NDST4: variants seen among roughly 807,000 people sequenced by gnomAD.
The protein encoded by NDST4 is N-heparan sulfate sulfotransferase 4.
NDST4 carries 63 observed loss-of-function variants against 100.8 expected under a neutral mutation model. The ratio of observed to expected loss-of-function variants is 0.62; its 90% CI spans 0.51 to 0.77. The LOEUF is 0.77. Ranked by LOEUF, NDST4 falls within the 30% of genes least tolerant of loss-of-function variation. NDST4 has a pLI of 0.00. For synonymous variants in NDST4, 377 were observed against 361.8 expected, an observed-to-expected ratio of 1.04 and a Z score of -0.48; for missense variants, 943 against 1,018.4, an observed-to-expected ratio of 0.93 and a Z score of 1.01.
chr4:114,899,531 GT>G (rs146671281), intron 6 of NDST4, among the ~76,000 whole-genome samples: 8,556 of 147,146 alleles, frequency 0.058, 296 homozygotes, highest in East Asian at 0.15. Context: ...TTTACTGAAA[GT>G]TTTTTTTTTT....
intron 2 of NDST4, among the ~76,000 whole-genome samples, chr4:114,995,641 C>A (rs1727142802): frequency 6.6e-6 from 1 of 152,062 alleles, no homozygotes; most frequent in African/African-American, 2.4e-5. Context: ...TATTTGAATT[C>A]TCCAAAATGA....
At chr4:115,109,231 T>C (rs946591908) in intron 1 of NDST4, among the ~76,000 whole-genome samples, 1 of 151,934 alleles carries the variant, frequency 6.6e-6, no homozygotes, top group African/African-American at 2.4e-5. Context: ...ATTTACTTTT[T>C]ACTTGAATAT....
At chr4:115,112,953 C>T (rs1578530335) in intron 1 of NDST4, among the ~76,000 whole-genome samples, 3 of 152,020 alleles carry the variant, frequency 2.0e-5, no homozygotes, top group Admixed American at 2.0e-4. Flanking sequence ...TTCTCTAAAG[C>T]AGACCATTAG....
intron 4 of NDST4, among the ~76,000 whole-genome samples, chr4:114,965,797 G>A (rs1201958802): frequency 6.6e-6 from 1 of 151,954 alleles, no homozygotes; most frequent in African/African-American, 2.4e-5. Flanking sequence ...TGGAATAAAG[G>A]TAAACAGTTC....
chr4:115,022,274 T>C (rs1727852697), intron 2 of NDST4, among the ~76,000 whole-genome samples: 1 of 152,066 alleles, frequency 6.6e-6, no homozygotes, highest in Non-Finnish European at 1.5e-5. Context: ...AAGTTCCACG[T>C]CTATGCACGT....
chr4:115,088,377 A>G (rs781263278), intron 1 of NDST4, among the ~76,000 whole-genome samples: 1 of 149,122 alleles, frequency 6.7e-6, no homozygotes, highest in Non-Finnish European at 1.5e-5. Context: ...TCTTCTAGGG[A>G]CTTTAAAAAA....
intron 6 of NDST4, among the ~76,000 whole-genome samples, chr4:114,876,755 G>T: frequency 6.6e-6 from 1 of 152,046 alleles, no homozygotes; most frequent in East Asian, 1.9e-4. Flanking sequence ...ACATCATTTT[G>T]TTTTTCTAAA....
intron 2 of NDST4, among the ~76,000 whole-genome samples, chr4:115,065,298 T>C (rs944124637): frequency 2.6e-5 from 4 of 152,080 alleles, no homozygotes; most frequent in African/African-American, 9.7e-5. Flanking sequence ...GTTACAGATA[T>C]ATGGTATGAG....
chr4:114,953,007 G>C (rs1430191878), intron 4 of NDST4, among the ~76,000 whole-genome samples: 2 of 150,996 alleles, frequency 1.3e-5, no homozygotes, highest in Non-Finnish European at 2.9e-5. Flanking sequence ...ACACAAGTTG[G>C]CTCATTTTTT....
intron 1 of NDST4, among the ~76,000 whole-genome samples, chr4:115,098,212 G>A (rs1437258036): frequency 2.0e-5 from 3 of 151,988 alleles, no homozygotes; most frequent in African/African-American, 4.8e-5. Flanking sequence ...CTTTACAAAC[G>A]AGTAGCAAGA....
At chr4:114,997,192 C>G (rs1180300980) in intron 2 of NDST4, among the ~76,000 whole-genome samples, 1 of 151,942 alleles carries the variant, frequency 6.6e-6, no homozygotes, top group Non-Finnish European at 1.5e-5. Flanking sequence ...CCACCAAAGC[C>G]CTATTGCAAA....
rs1333670459 is a variant in NDST4 at position 114,829,298 on chromosome 4, G to A, written c.2499+492C>T. 6.6e-5 allele frequency among the ~76,000 whole-genome samples: 10 copies of A among 151,966 alleles called. 1 individual carries two copies. The South Asian group carries it at 8.3e-4, about 13-fold the overall frequency. ...CTGGTTTCGTTTGTCATTGTTTTAC[G>A]TTTTTATGTCCCTAATACAAATCAG... On this transcript the variant is annotated intron_variant, in intron 13 of 13. Transcript: ENST00000264363.
chr4:115,018,214 A>C (rs1219006156), intron 2 of NDST4, among the ~76,000 whole-genome samples: 2 of 151,952 alleles, frequency 1.3e-5, no homozygotes. Context: ...GAGAACAAAA[A>C]ACAAATTCAC....
Position 114,937,306 on chromosome 4 carries a change from C to T in NDST4, c.1407+12G>A, listed in dbSNP as rs780604215. The T allele has an allele frequency of 1.2e-6, 2 of 1,613,530 alleles. No individual in the cohort carries two copies. Among genetic ancestry groups the T allele is most frequent in the South Asian group, 1.1e-5 (1 of 91,056 alleles). On this transcript the variant is annotated intron_variant, in intron 5 of 13. Transcript: ENST00000264363. ...TTAACATCCTTCAATATACATGGCT[C>T]TCTGTGCTCACCATGATGCTATTGT...
At chr4:114,842,136 T>C (rs920458245) in intron 10 of NDST4, among the ~76,000 whole-genome samples, 1 of 152,212 alleles carries the variant, frequency 6.6e-6, no homozygotes, top group East Asian at 1.9e-4. Context: ...AACTTCAAGA[T>C]TACCAACTTG....
intron 3 of NDST4, among the ~76,000 whole-genome samples, chr4:114,975,322 T>C (rs551642079): frequency 6.6e-6 from 1 of 152,266 alleles, no homozygotes; most frequent in South Asian, 2.1e-4. Context: ...TTCTAAAATT[T>C]ATAGATTTAT....
At chr4:115,035,452 A>G (rs898959317) in intron 2 of NDST4, among the ~76,000 whole-genome samples, 1 of 152,084 alleles carries the variant, frequency 6.6e-6, no homozygotes, top group Non-Finnish European at 1.5e-5. Flanking sequence ...GTTAAATAAC[A>G]TAGAGAAACA....
chr4:114,845,723 T>A (rs1335905787), intron 10 of NDST4, 100 bp downstream of exon 10: 7 of 1,089,758 alleles, frequency 6.4e-6, no homozygotes, highest in Non-Finnish European at 3.9e-6. Flanking sequence ...TATTCTTACA[T>A]TTGACTTTTC....
At chr4:114,903,630 G>A (rs938801993) in intron 6 of NDST4, among the ~76,000 whole-genome samples, 4 of 151,980 alleles carry the variant, frequency 2.6e-5, no homozygotes, top group African/African-American at 7.2e-5. Context: ...TTCTCCTAGA[G>A]CTCTAACAAA....
Sources: allele counts gnomAD v4.1 joint callset (sites outside exome capture counted in the v4.1 genomes callset), GRCh38; gene constraint gnomAD v4.1.1; transcripts MANE v1.5; gene names NCBI Gene and HGNC (gene_info 2026-07-23, HGNC 2026-07-21).